MTRF1: variants seen among roughly 807,000 people sequenced by gnomAD.
MTRF1 encodes mitochondrial translation release factor 1.
In MTRF1, 51 loss-of-function variants were observed where a neutral mutation model predicts 62.9. That is an observed-to-expected ratio of 0.81 (90% CI 0.65 to 1.02). The LOEUF (loss-of-function observed/expected upper bound fraction) is 1.02. Ranked by LOEUF, MTRF1 falls within the 50% of genes least tolerant of loss-of-function variation. The probability of loss-of-function intolerance (pLI) is 0.00; values close to 1 mark genes in which losing one functional copy is unlikely to be tolerated. For missense variants in MTRF1, 446 were observed against 530.0 expected (o/e 0.84, Z 1.56); for synonymous variants, 158 against 181.9 (o/e 0.87, Z 1.06).
intron 5 of MTRF1, 178 bp downstream of exon 5, chr13:41,252,467 T>C: frequency 2.3e-6 from 1 of 444,288 alleles, no homozygotes. Context: ...TACTGTCTTC[T>C]CCTAGCTAAC....
chr13:41,284,389 A>G, the MTRF1 span, among the ~76,000 whole-genome samples: 2 of 151,602 alleles, frequency 1.3e-5, no homozygotes, highest in Non-Finnish European at 2.9e-5. Context: ...AGGCTCAGGC[A>G]GGAGAATCAC....
intron 3 of MTRF1, 70 bp from the exon 4 acceptor site, chr13:41,253,100 G>A (rs1290130440): frequency 1.3e-5 from 14 of 1,116,664 alleles, no homozygotes; most frequent in East Asian, 4.9e-5. Context: ...ATAAAGGCCC[G>A]AAAAACATTG....
At chr13:41,221,967 G>A (rs572814317) in intron 9 of MTRF1, among the ~76,000 whole-genome samples, 1 of 152,308 alleles carries the variant, frequency 6.6e-6, no homozygotes, top group South Asian at 2.1e-4. Flanking sequence ...TCCTAAGCAA[G>A]ATAGCCTTAT....
At chr13:41,303,356 G>A in the MTRF1 span, among the ~76,000 whole-genome samples, 1 of 152,174 alleles carries the variant, frequency 6.6e-6, no homozygotes, top group Non-Finnish European at 1.5e-5. Flanking sequence ...TCTACTTGGT[G>A]TTAATAATGA....
Position 41,260,881 on chromosome 13 carries a change from A to T in MTRF1, c.27T>A (p.Leu9=). Residue 9 remains leucine (L), a synonymous_variant, in exon 2 of 10, where the codon CTT becomes CTA. Coordinates refer to ENST00000379480, the MANE Select transcript of MTRF1 (RefSeq NM_004294.4). The part of the protein sequence containing the change: MNRHLCVW[L]FRHPSLNGYL... The stretch of plus-strand genomic sequence containing the variant: ...AACCATTAAGAGATGGATGTCTAAA[A>T]AGCCAAACACACAGGTGACGATTCA... 6.2e-7 allele frequency: 1 copy of T among 1,609,682 alleles called. No individual in the cohort carries two copies. Among genetic ancestry groups the T allele is most frequent in the Non-Finnish European group, 8.5e-7 (1 of 1,176,504 alleles).
In MTRF1 at chr13:41,233,945, T is replaced by C; in HGVS notation, c.933A>G (p.Gly311=). The change falls in exon 7 of 10, where the codon GGA becomes GGG. Residue 311 remains glycine (G), a synonymous_variant. Transcript: ENST00000379480. ...TATCAGTTTTATTAACATGCTGCCC[T>C]CCTGCTCCTTTGGCTCGAAATGTAT... The part of the protein sequence containing the change: ...RIDTFRAKGA[G]GQHVNKTDSA... 6.2e-7 allele frequency: 1 copy of C among 1,614,190 alleles called. No homozygotes were observed. Among genetic ancestry groups the C allele is most frequent in the Non-Finnish European group, 8.5e-7 (1 of 1,180,008 alleles).
intron 7 of MTRF1, among the ~76,000 whole-genome samples, chr13:41,228,282 G>T (rs1262867561): frequency 6.6e-6 from 1 of 152,120 alleles, no homozygotes; most frequent in Admixed American, 6.6e-5. Context: ...AATAATAGAA[G>T]GGGGCTGGGC....
intron 7 of MTRF1, among the ~76,000 whole-genome samples, chr13:41,227,559 T>A (rs2034674139): frequency 6.6e-6 from 1 of 152,152 alleles, no homozygotes; most frequent in Admixed American, 6.5e-5. Flanking sequence ...TCTGAAACGA[T>A]CACTTCTTGA....
rs1341101630 is a variant in MTRF1, at chr13:41,216,822, T to C, written c.*293A>G. On this transcript the variant is annotated 3_prime_UTR_variant, in exon 10 of 10. Coordinates refer to ENST00000379480, the MANE Select transcript of MTRF1 (RefSeq NM_004294.4). ...TAGATGGCTGGGGAAAAAAGGCATA[T>C]AAAGAGAACAAGTGACTTGTCCTAA... The C allele has an allele frequency of 1.1e-5, 2 of 182,618 alleles. No homozygotes were observed. Among genetic ancestry groups the C allele is most frequent in the African/African-American group, 4.7e-5 (2 of 42,732 alleles). 11.3% of individuals were successfully genotyped at this position (182,618 alleles called of 1,614,324 possible).
At chr13:41,231,042 T>A (rs189587429) in intron 7 of MTRF1, among the ~76,000 whole-genome samples, 41 of 152,306 alleles carry the variant, frequency 2.7e-4, no homozygotes, top group African/African-American at 8.9e-4. Context: ...CCGCTTTTTT[T>A]AAATCACACT....
chr13:41,247,959 A>T (rs1331579963), intron 5 of MTRF1, among the ~76,000 whole-genome samples: 1 of 152,186 alleles, frequency 6.6e-6, no homozygotes, highest in African/African-American at 2.4e-5. Context: ...TGAATGTCCT[A>T]GAATTAGTGT....
At chr13:41,272,074 A>G in the MTRF1 span, among the ~76,000 whole-genome samples, 1 of 152,308 alleles carries the variant, frequency 6.6e-6, no homozygotes, top group African/African-American at 2.4e-5. Context: ...ATCCTCTCAC[A>G]GTACAAAGTA....
the MTRF1 span, among the ~76,000 whole-genome samples, chr13:41,305,729 T>C: frequency 6.6e-6 from 1 of 152,206 alleles, no homozygotes; most frequent in Admixed American, 6.5e-5. Context: ...CAGCCAAACT[T>C]GCTTCTCATC....
chr13:41,298,389 A>C, the MTRF1 span, among the ~76,000 whole-genome samples: 150,745 of 151,294 alleles, frequency 1, 75,102 homozygotes, highest in Middle Eastern at 1. Flanking sequence ...TAGCACTATT[A>C]CGAAGTTACA....
At chr13:41,304,241 A>G in the MTRF1 span, among the ~76,000 whole-genome samples, 5 of 152,324 alleles carry the variant, frequency 3.3e-5, no homozygotes, top group East Asian at 1.9e-4. Context: ...GAATTGGCCA[A>G]TTCTTCAAAA....
chr13:41,252,309 A>ATAAG (rs10673406), intron 5 of MTRF1: 2 of 28,780 alleles, frequency 6.9e-5, no homozygotes, highest in African/African-American at 3.0e-4. Context: ...ATATTATTTT[A>ATAAG]TAAAGTTATT....
the MTRF1 span, among the ~76,000 whole-genome samples, chr13:41,295,437 C>T: frequency 6.6e-6 from 1 of 152,160 alleles, no homozygotes; most frequent in Non-Finnish European, 1.5e-5. Context: ...AACTCTTCCT[C>T]TGTCTGCTTA....
At chr13:41,256,820 T>C (rs774788848) in intron 2 of MTRF1, among the ~76,000 whole-genome samples, 5 of 152,234 alleles carry the variant, frequency 3.3e-5, no homozygotes, top group Non-Finnish European at 7.3e-5. Flanking sequence ...TAATTCAATT[T>C]TATTATATCA....
Position 41,228,809 on chromosome 13 carries a change from A to T in MTRF1, c.989-2241T>A, listed in dbSNP as rs140629726. Among the ~76,000 whole-genome samples the T allele has an allele frequency of 2.7e-3, 415 of 152,354 alleles. 2 individuals carry two copies. Among genetic ancestry groups the T allele is most frequent in the African/African-American group, 9.7e-3 (405 of 41,584 alleles). On this transcript the variant is annotated intron_variant, in intron 7 of 9. Transcript: ENST00000379480. ...ATCTAGAAGCAGTGGTTAGAAAAAAAATACGATTCTTCCATGACATGGAGA... is the reference window on the plus strand; with the variant it reads ...ATCTAGAAGCAGTGGTTAGAAAAAATATACGATTCTTCCATGACATGGAGA...
Sources: gnomAD v4.1 joint callset for allele counts (sites outside exome capture counted in the v4.1 genomes callset) on GRCh38, gnomAD v4.1.1 for gene constraint, MANE v1.5 for transcripts, NCBI Gene and HGNC (gene_info 2026-07-23, HGNC 2026-07-21) for gene names.